WWC2: variants seen among roughly 807,000 people sequenced by gnomAD.
WWC2 encodes the protein WW and C2 domain containing 2.
In WWC2, 101 loss-of-function variants were observed where a neutral mutation model predicts 138.5. That is an observed-to-expected ratio of 0.73 (90% CI 0.62 to 0.86). The LOEUF is 0.86. WWC2 is among the 40% of genes least tolerant of loss of function. The pLI is 0.00. For synonymous variants in WWC2, 558 were observed against 538.4 expected, an observed-to-expected ratio of 1.04 and a Z score of -0.50; for missense variants, 1,420 against 1,419.4, an observed-to-expected ratio of 1.00 and a Z score of -0.01.
At chr4:183,105,617 G>A (rs775747188) in intron 1 of WWC2, among the ~76,000 whole-genome samples, 14 of 152,184 alleles carry the variant, frequency 9.2e-5, no homozygotes, top group Non-Finnish European at 1.5e-4. Context: ...CTTGCCGGGC[G>A]CTGTGGCTCA....
At position 183,228,232 on chromosome 4, in the gene WWC2, G is replaced by A. The variant is rs372663314; in HGVS notation, c.523-11951G>A. Reference sequence around the variant, plus strand: ...AGATTTTATGGCAAAATGCTTTACCGAAGAAAAAGGACCATGAGTCTGTAA... The same window carrying A: ...AGATTTTATGGCAAAATGCTTTACCAAAGAAAAAGGACCATGAGTCTGTAA... On this transcript the variant is annotated intron_variant, in intron 4 of 22. Coordinates refer to ENST00000403733, the MANE Select transcript of WWC2 (RefSeq NM_024949.6). Among the ~76,000 whole-genome samples the A allele has an allele frequency of 3.5e-4, 53 of 152,112 alleles. 1 individual carries two copies. The East Asian group carries it at 5.8e-3, about 17-fold the overall frequency.
At chr4:183,247,682 ATATTC>A (rs1413846909) in intron 6 of WWC2, among the ~76,000 whole-genome samples, 3 of 136,230 alleles carry the variant, frequency 2.2e-5, no homozygotes, top group African/African-American at 5.8e-5. Flanking sequence ...TATATGTACT[ATATTC>A]TATATACTAT....
intron 11 of WWC2, among the ~76,000 whole-genome samples, chr4:183,262,548 G>A (rs543484536): frequency 7.2e-5 from 11 of 152,372 alleles, no homozygotes; most frequent in African/African-American, 2.6e-4. Flanking sequence ...ATACTGAAGA[G>A]CCAAGTGCTG....
intron 22 of WWC2, among the ~76,000 whole-genome samples, chr4:183,314,030 A>G (rs2111127119): frequency 6.6e-6 from 1 of 152,148 alleles, no homozygotes; most frequent in Non-Finnish European, 1.5e-5. Context: ...TGGGGAAGCT[A>G]GGTCACGTGG....
At chr4:183,225,995 A>T (rs1736059122) in intron 4 of WWC2, among the ~76,000 whole-genome samples, 1 of 152,160 alleles carries the variant, frequency 6.6e-6, no homozygotes, top group Non-Finnish European at 1.5e-5. Context: ...ATGGATTATG[A>T]GCATACTGTC....
intron 9 of WWC2, among the ~76,000 whole-genome samples, chr4:183,258,504 G>C (rs1252210832): frequency 6.6e-6 from 1 of 152,140 alleles, no homozygotes; most frequent in African/African-American, 2.4e-5. Flanking sequence ...AAAGAGATTA[G>C]AAATTAAGGA....
rs143780503 is a variant in WWC2 at position 183,195,361 on chromosome 4, A to C, written c.241+1653A>C. 3.3e-4 allele frequency among the ~76,000 whole-genome samples: 50 copies of C among 152,300 alleles called. No individual in the cohort carries two copies. In the East Asian group the frequency reaches 9.5e-3, roughly 29 times the overall value. ...ACAAAAATAAGCTCTGTTGGTACCA[A>C]AATGAGAAAAGAAATCCTCTTAGCC... On this transcript the variant is annotated intron_variant, in intron 2 of 22. Transcript: ENST00000403733.
At chr4:183,148,561 C>G (rs1256943854) in intron 1 of WWC2, among the ~76,000 whole-genome samples, 2 of 152,174 alleles carry the variant, frequency 1.3e-5, no homozygotes, top group Non-Finnish European at 2.9e-5. Flanking sequence ...GGCTTTCCTC[C>G]TCTCCAAAGG....
intron 16 of WWC2, among the ~76,000 whole-genome samples, chr4:183,277,157 A>G (rs1278112380): frequency 8.3e-6 from 1 of 121,058 alleles, no homozygotes; most frequent in Non-Finnish European, 1.6e-5. Context: ...CAGTCCCCAG[A>G]GTGTGATATT....
rs1224513949 is a variant in WWC2, at chr4:183,239,313, CA to C, written c.523-860del. On this transcript the variant is annotated intron_variant, in intron 4 of 22. Transcript: ENST00000403733. ...TGGTCGACAGAGCAAGACTCTGTCT[CA>C]AAAAAAAAACAAACAAACAACAGAA... is the stretch of plus-strand genomic sequence containing the variant. Among the ~76,000 whole-genome samples the C allele has an allele frequency of 4.2e-5, 6 of 141,600 alleles. No individual in the cohort carries two copies. In the East Asian group the frequency reaches 6.2e-4, roughly 15 times the overall value. The allele number at this position is 141,600 out of a possible 152,430, so 92.9% of individuals were successfully genotyped here.
At chr4:183,149,885 TC>T (rs904412832) in intron 1 of WWC2, among the ~76,000 whole-genome samples, 1 of 152,234 alleles carries the variant, frequency 6.6e-6, no homozygotes, top group African/African-American at 2.4e-5. Context: ...TTCAGTCATT[TC>T]TTTTTCATTT....
At chr4:183,283,239 A>G (rs756445222) in intron 18 of WWC2, among the ~76,000 whole-genome samples, 2 of 152,242 alleles carry the variant, frequency 1.3e-5, no homozygotes, top group African/African-American at 2.4e-5. Flanking sequence ...CAAGTTCCGT[A>G]TATGTAGTAA....
intron 21 of WWC2, among the ~76,000 whole-genome samples, chr4:183,310,742 C>T (rs1424244723): frequency 7.0e-6 from 1 of 143,030 alleles, no homozygotes; most frequent in Non-Finnish European, 1.5e-5. Context: ...TGGCCTTGAG[C>T]AATCTTCCCA....
rs770609371 is a variant in WWC2, at chr4:183,155,189, G to GGAGAGAGAGA, written c.132-38384_132-38375dup. Among the ~76,000 whole-genome samples the GGAGAGAGAGA allele has an allele frequency of 1.2e-3, 127 of 103,692 alleles. 1 individual carries two copies. The highest frequency in any genetic ancestry group is 3.5e-3 in the African/African-American group (103 of 29,176). 68.0% of individuals were successfully genotyped at this position (103,692 alleles called of 152,430 possible). A position where few individuals can be genotyped will look rare whatever the true frequency, so the allele number is the denominator to read the frequency against. ...AAGTTCTAATGACTTCATCTTCTGA[G>GGAGAGAGAGA]GAGAGAGAGAGAGAGAGAGAGAGAG... On this transcript the variant is annotated intron_variant, in intron 1 of 22. Coordinates refer to ENST00000403733, the MANE Select transcript of WWC2 (RefSeq NM_024949.6).
At chr4:183,104,975 C>T (rs575264787) in intron 1 of WWC2, among the ~76,000 whole-genome samples, 24 of 152,138 alleles carry the variant, frequency 1.6e-4, no homozygotes, top group Non-Finnish European at 3.2e-4. Context: ...GACACAATCT[C>T]GTCTTACTAC....
intron 16 of WWC2, among the ~76,000 whole-genome samples, chr4:183,279,673 A>G (rs1347035152): frequency 1.3e-5 from 2 of 152,006 alleles, no homozygotes; most frequent in Non-Finnish European, 2.9e-5. Context: ...TGGTCTATTC[A>G]GAGATTCAAC....
chr4:183,319,236 C>A lies in WWC2; in HGVS notation c.*3507C>A. On this transcript the variant is annotated 3_prime_UTR_variant, in exon 23 of 23. Transcript: ENST00000403733. ...AAGTAAATGATTTGCCAAATGATTCCGCTCCATATGAATAATACCTTCAAA... is the reference window on the plus strand; with the variant it reads ...AAGTAAATGATTTGCCAAATGATTCAGCTCCATATGAATAATACCTTCAAA... 1.4e-5 allele frequency: 3 copies of A among 213,902 alleles called. No individual in the cohort carries two copies. The highest frequency in any genetic ancestry group is 1.0e-4 in the East Asian group (1 of 9,676). The allele number at this position is 213,902 out of a possible 1,614,324, so 13.3% of individuals were successfully genotyped here.
chr4:183,133,459 G>A (rs1359492282), intron 1 of WWC2, among the ~76,000 whole-genome samples: 1 of 151,640 alleles, frequency 6.6e-6, no homozygotes, highest in Non-Finnish European at 1.5e-5. Context: ...TATGTTCTCA[G>A]GTGAGCTTGG....
At chr4:183,122,020 C>A (rs980367468) in intron 1 of WWC2, among the ~76,000 whole-genome samples, 3 of 152,084 alleles carry the variant, frequency 2.0e-5, no homozygotes, top group African/African-American at 7.2e-5. Flanking sequence ...CTCCTGGCTT[C>A]GTGATCCGCC....
Sources: gnomAD v4.1 joint callset for allele counts (sites outside exome capture counted in the v4.1 genomes callset) on GRCh38, gnomAD v4.1.1 for gene constraint, MANE v1.5 for transcripts, NCBI Gene and HGNC (gene_info 2026-07-23, HGNC 2026-07-21) for gene names.